MESP1: variants seen among roughly 807,000 people sequenced by gnomAD.
MESP1 encodes mesoderm posterior bHLH transcription factor 1.
MESP1 carries 22 observed loss-of-function variants against 15.2 expected under a neutral mutation model. The observed-to-expected ratio is 1.45, with a 90% CI of 1.04 to 2.07. MESP1 has a LOEUF of 2.07. Among genes scored for constraint, MESP1 ranks in the 30% most tolerant of loss-of-function variants. MESP1 has a pLI of 0.00. For missense variants in MESP1, 484 were observed against 411.9 expected (o/e 1.17, Z -1.51); for synonymous variants, 216 against 192.6 (o/e 1.12, Z -1.01).
At chr15:89,743,556 G>A in the MESP1 span, 2 of 638,026 alleles carry the variant, frequency 3.1e-6, no homozygotes, top group African/African-American at 3.7e-5. Flanking sequence ...ATAATCTGGG[G>A]GACCTTCAAC....
chr15:89,746,354 C>T (rs536868313), downstream of MESP1, among the ~76,000 whole-genome samples: 1 of 144,940 alleles, frequency 6.9e-6, no homozygotes, highest in Non-Finnish European at 1.5e-5. Flanking sequence ...CACACATCCA[C>T]ACATCCACAC....
chr15:89,733,328 G>A, the MESP1 span: 13 of 1,002,904 alleles, frequency 1.3e-5, no homozygotes, highest in Non-Finnish European at 1.6e-5. Flanking sequence ...CTTTTGTATA[G>A]TCATCACTCT....
the MESP1 span, chr15:89,737,961 C>G: frequency 7.0e-7 from 1 of 1,437,874 alleles, no homozygotes; most frequent in Non-Finnish European, 9.5e-7. Context: ...AGAGAGCAGC[C>G]CCCACCTGCT....
chr15:89,741,820 C>G, the MESP1 span, among the ~76,000 whole-genome samples: 1 of 151,980 alleles, frequency 6.6e-6, no homozygotes, highest in African/African-American at 2.4e-5. Context: ...GGCACAATCT[C>G]AGCTCACTGC....
the MESP1 span, among the ~76,000 whole-genome samples, chr15:89,739,131 A>G: frequency 6.7e-6 from 1 of 150,326 alleles, no homozygotes; most frequent in East Asian, 1.9e-4. Context: ...AAAAAAAAAA[A>G]AGTATGTTTG....
At chr15:89,735,500 C>T in the MESP1 span, 47 of 1,614,004 alleles carry the variant, frequency 2.9e-5, no homozygotes, top group Non-Finnish European at 4.0e-5. Flanking sequence ...GCCTGTAAAG[C>T]ACCTGGATAA....
At chr15:89,737,504 C>A in the MESP1 span, 1 of 1,592,128 alleles carries the variant, frequency 6.3e-7, no homozygotes, top group South Asian at 1.1e-5. Context: ...CTGGGGTGAC[C>A]TCTACACGAC....
chr15:89,734,566 C>T, the MESP1 span, among the ~76,000 whole-genome samples: 2 of 152,230 alleles, frequency 1.3e-5, no homozygotes, highest in African/African-American at 4.8e-5. Context: ...TCCATGCCCA[C>T]ATTCAAGCAG....
the MESP1 span, among the ~76,000 whole-genome samples, chr15:89,742,743 G>A: frequency 2.0e-5 from 3 of 152,080 alleles, no homozygotes. Context: ...AGGTTGGCCA[G>A]GCTAGTCTCA....
the MESP1 span, chr15:89,737,872 C>T: frequency 3.7e-6 from 5 of 1,360,360 alleles, no homozygotes; most frequent in Non-Finnish European, 4.0e-6. Flanking sequence ...TCAGTCCTCA[C>T]AGGGCACTTA....
chr15:89,745,117 G>A (rs1967903974), downstream of MESP1, among the ~76,000 whole-genome samples: 1 of 152,200 alleles, frequency 6.6e-6, no homozygotes, highest in African/African-American at 2.4e-5. The surrounding 1 kb of genome is among the most constrained non-coding windows in gnomAD (Gnocchi z 4.8). Flanking sequence ...TGAGCAGGCA[G>A]ACAACAGAGG....
chr15:89,749,380 A>C (rs3743115), downstream of MESP1: 99,495 of 151,930 alleles, frequency 0.65, 34,687 homozygotes, highest in African/African-American at 0.86. Flanking sequence ...GAATAAGACC[A>C]CAGGATGCAA....
the MESP1 span, among the ~76,000 whole-genome samples, chr15:89,733,993 ATGTGTGTG>A: frequency 1.3e-5 from 2 of 149,206 alleles, no homozygotes; most frequent in Admixed American, 6.7e-5. Flanking sequence ...AACCTGTATA[ATGTGTGTG>A]TGTGTGTGTG....
In MESP1 at chr15:89,750,771, C is replaced by A; in HGVS notation, c.461G>T (p.Arg154Leu). The part of the protein sequence containing the change: ...EESLQRRCRQ[R>L]GDAGSPRGCP... ...GCCCCGAGGGGACCCCGCGTCACCG[C>A]GCTGCCGGCACCGGCGCTGGAGACT... Residue 154 changes from arginine to leucine, a missense_variant, in exon 1 of 2, where the codon CGC (arginine) becomes CTC (leucine). Arg to Leu is a moderately radical substitution (Grantham distance 102). Coordinates refer to ENST00000300057, the MANE Select transcript of MESP1 (RefSeq NM_018670.4). 1.3e-6 allele frequency: 2 copies of A among 1,495,358 alleles called. No individual in the cohort carries two copies. Among genetic ancestry groups the A allele is most frequent in the East Asian group, 2.8e-5 (1 of 36,268 alleles). The allele number at this position is 1,495,358 out of a possible 1,614,324, so 92.6% of individuals were successfully genotyped here.
At chr15:89,741,348 C>T in the MESP1 span, among the ~76,000 whole-genome samples, 1 of 152,094 alleles carries the variant, frequency 6.6e-6, no homozygotes, top group Non-Finnish European at 1.5e-5. Flanking sequence ...CTGCCTCAGC[C>T]TTCCGAGCAA....
At chr15:89,741,888 A>T in the MESP1 span, among the ~76,000 whole-genome samples, 20 of 152,088 alleles carry the variant, frequency 1.3e-4, no homozygotes, top group African/African-American at 4.8e-4. Flanking sequence ...AGTAGCTGGG[A>T]CTACAGGCAC....
Position 89,750,700 on chromosome 15 carries a change from T to G in MESP1, c.532A>C (p.Thr178Pro). Residue 178 changes from threonine to proline, a missense_variant, in exon 1 of 2, where the codon ACG becomes CCG. Transcript: ENST00000300057. Reference protein sequence around the residue: ...DDCPAQMQTRTQAEGQGQGRG... With the variant: ...DDCPAQMQTRPQAEGQGQGRG... Reference sequence around the variant, plus strand: ...CCCTGCCCCTGCCCCTCAGCCTGCGTCCGTGTCTGCATCTGCGCGGGGCAG... The same window carrying G: ...CCCTGCCCCTGCCCCTCAGCCTGCGGCCGTGTCTGCATCTGCGCGGGGCAG... 7.3e-7 allele frequency: 1 copy of G among 1,375,612 alleles called. No homozygotes were observed. Among genetic ancestry groups the G allele is most frequent in the Non-Finnish European group, 9.4e-7 (1 of 1,069,468 alleles). 85.2% of individuals were successfully genotyped at this position (1,375,612 alleles called of 1,614,324 possible). A position where few individuals can be genotyped will look rare whatever the true frequency, so the allele number is the denominator to read the frequency against.
the MESP1 span, chr15:89,733,214 T>C: frequency 6.2e-7 from 1 of 1,613,430 alleles, no homozygotes; most frequent in Non-Finnish European, 8.5e-7. Flanking sequence ...GTGTGCTTGT[T>C]GAGAGGTCAG....
At chr15:89,735,008 C>T in the MESP1 span, among the ~76,000 whole-genome samples, 1 of 151,406 alleles carries the variant, frequency 6.6e-6, no homozygotes, top group Non-Finnish European at 1.5e-5. Context: ...TTCCTTCCTT[C>T]TTTCCTTCCG....
Sources: gnomAD v4.1 joint callset for allele counts (sites outside exome capture counted in the v4.1 genomes callset) on GRCh38, gnomAD v4.1.1 for gene constraint, Gnocchi (gnomAD v3.1) non-coding constraint, MANE v1.5 for transcripts, NCBI Gene and HGNC (gene_info 2026-07-23, HGNC 2026-07-21) for gene names.